Variants in CACNB4 observed in about 807,000 individuals in gnomAD.
CACNB4 encodes the protein voltage-dependent L-type calcium channel subunit beta-4.
CACNB4 carries 32 observed loss-of-function variants against 71.2 expected under a neutral mutation model. The observed-to-expected ratio is 0.45, with a 90% confidence interval of 0.34 to 0.60. The LOEUF is 0.60. CACNB4 is among the 20% of genes least tolerant of loss of function. The pLI is 0.01. For synonymous variants in CACNB4, 231 were observed against 236.9 expected (o/e 0.97, Z 0.23); for missense variants, 464 against 647.9 (o/e 0.72, Z 3.08).
intron 2 of CACNB4, among the ~76,000 whole-genome samples, chr2:151,979,903 G>A (rs558158541): frequency 2.6e-5 from 4 of 152,244 alleles, no homozygotes; most frequent in African/African-American, 9.6e-5. Flanking sequence ...AAAGGGGGAA[G>A]GAAAGGAACA....
chr2:151,885,808 G>A (rs1559934143), intron 2 of CACNB4, among the ~76,000 whole-genome samples: 2 of 152,140 alleles, frequency 1.3e-5, no homozygotes, highest in East Asian at 1.9e-4. Flanking sequence ...CCTACAAAAC[G>A]AGTAAGTGCA....
intron 4 of CACNB4, chr2:151,880,520 G>T: frequency 7.1e-6 from 3 of 421,874 alleles, no homozygotes; most frequent in East Asian, 5.3e-5. Context: ...TCACAGAAGG[G>T]GATTTAAAGG....
intron 2 of CACNB4, among the ~76,000 whole-genome samples, chr2:151,885,956 C>A (rs763898332): frequency 1.8e-4 from 28 of 151,948 alleles, no homozygotes; most frequent in Non-Finnish European, 3.5e-4. Flanking sequence ...GAAAAAAAAA[C>A]ACAATGTTTC....
chr2:152,021,930 T>C (rs977498112), intron 2 of CACNB4, among the ~76,000 whole-genome samples: 1 of 152,240 alleles, frequency 6.6e-6, no homozygotes, highest in African/African-American at 2.4e-5. Flanking sequence ...TCTACTAGAA[T>C]AGGTATTTAA....
intron 2 of CACNB4, among the ~76,000 whole-genome samples, chr2:151,927,860 C>A (rs929938535): frequency 6.6e-6 from 1 of 152,228 alleles, no homozygotes; most frequent in Admixed American, 6.5e-5. Flanking sequence ...GTGAGCTTGA[C>A]CAGACAGATT....
At chr2:151,998,077 C>G (rs1682166247) in intron 2 of CACNB4, among the ~76,000 whole-genome samples, 1 of 152,074 alleles carries the variant, frequency 6.6e-6, no homozygotes, top group Non-Finnish European at 1.5e-5. Flanking sequence ...AATCCCAGCA[C>G]TTTGGGAGGC....
intron 2 of CACNB4, among the ~76,000 whole-genome samples, chr2:152,080,476 T>G (rs921200532): frequency 6.6e-6 from 1 of 152,300 alleles, no homozygotes; most frequent in East Asian, 1.9e-4. Flanking sequence ...AGTTTCTCTC[T>G]AGTTTCAGGG....
intron 2 of CACNB4, among the ~76,000 whole-genome samples, chr2:152,055,896 G>A (rs1206933489): frequency 6.6e-6 from 1 of 152,064 alleles, no homozygotes; most frequent in African/African-American, 2.4e-5. Flanking sequence ...AGTGGCGACC[G>A]AAGCTCAGTA....
chr2:151,845,017 C>G (rs1439985585), intron 12 of CACNB4, among the ~76,000 whole-genome samples: 1 of 152,166 alleles, frequency 6.6e-6, no homozygotes, highest in Non-Finnish European at 1.5e-5. Flanking sequence ...ACATTCACAG[C>G]CAGGATTGCA....
chr2:151,842,127 G>T, intron 12 of CACNB4, 39 bp from the exon 13 acceptor site: 1 of 1,571,900 alleles, frequency 6.4e-7, no homozygotes, highest in Non-Finnish European at 8.7e-7. Flanking sequence ...TTCCATTTTA[G>T]GTTTTAGGCA....
intron 2 of CACNB4, among the ~76,000 whole-genome samples, chr2:151,993,541 C>T (rs1466874169): frequency 2.0e-5 from 3 of 148,946 alleles, no homozygotes; most frequent in Admixed American, 6.8e-5. Context: ...TCTCTGAACA[C>T]GGAGGCATAG....
At chr2:152,096,461 G>A (rs1485402658) in intron 2 of CACNB4, among the ~76,000 whole-genome samples, 1 of 152,132 alleles carries the variant, frequency 6.6e-6, no homozygotes, top group African/African-American at 2.4e-5. Context: ...CCCAGCCTGG[G>A]CGACAGAGCA....
intron 2 of CACNB4, chr2:151,973,753 A>C: frequency 6.2e-7 from 1 of 1,606,140 alleles, no homozygotes; most frequent in South Asian, 1.1e-5. Flanking sequence ...CAAGGCAAAA[A>C]CAAAATTGCT....
chr2:151,840,528 A>G, intron 13 of CACNB4, among the ~76,000 whole-genome samples: 1 of 152,234 alleles, frequency 6.6e-6, no homozygotes, highest in East Asian at 1.9e-4. Context: ...GCCAATCCAC[A>G]CTAGTCAATA....
In CACNB4 at chr2:151,971,362, A is replaced by G. The variant is rs2099872498; in HGVS notation, c.148-87992T>C. 8.2e-6 allele frequency: 5 copies of G among 609,694 alleles called. No homozygotes were observed. In the African/African-American group the frequency reaches 9.2e-5, roughly 11 times the overall value. The allele number at this position is 609,694 out of a possible 1,614,324, so 37.8% of individuals were successfully genotyped here. On this transcript the variant is annotated intron_variant, in intron 2 of 13. Coordinates refer to ENST00000539935, the MANE Select transcript of CACNB4 (RefSeq NM_000726.5). ...CCCACAAAGACATTTTCAACAGCAC[A>G]GAACGGTAGGACATATGCGGATGGT...
intron 5 of CACNB4, chr2:151,875,016 T>A: frequency 2.5e-6 from 1 of 404,416 alleles, no homozygotes; most frequent in Non-Finnish European, 4.3e-6. Flanking sequence ...GCACATACCA[T>A]CACATTTTTT....
chr2:151,929,759 G>A (rs1342655174), intron 2 of CACNB4, among the ~76,000 whole-genome samples: 3 of 151,932 alleles, frequency 2.0e-5, no homozygotes, highest in Admixed American at 2.0e-4. Context: ...AGGACAAAGA[G>A]AAAAAAACAG....
At chr2:152,035,651 C>CTCTCTCTCTCTCTCTCTCTCTATA (rs796161186) in intron 2 of CACNB4, among the ~76,000 whole-genome samples, 27 of 118,060 alleles carry the variant, frequency 2.3e-4, no homozygotes, top group African/African-American at 8.3e-4. Flanking sequence ...CTCTCTCTCT[C>CTCTCTCTCTCTCTCTCTCTCTATA]TATATATATA....
Position 151,835,127 on chromosome 2 carries a change from T to C in CACNB4, c.*3992A>G, listed in dbSNP as rs2099834633. 2.6e-5 allele frequency: 4 copies of C among 151,874 alleles called. No homozygotes were observed. Among genetic ancestry groups the C allele is most frequent in the Admixed American group, 6.6e-5 (1 of 15,240 alleles). The allele number at this position is 151,874 out of a possible 1,614,324, so 9.4% of individuals were successfully genotyped here. On this transcript the variant is annotated 3_prime_UTR_variant, in exon 14 of 14. Coordinates refer to ENST00000539935, the MANE Select transcript of CACNB4 (RefSeq NM_000726.5). ...AAACCAGCTGCTCTTAAACATAAAG[T>C]CTTTGGACTTTTACTCCTTTAGACT...
Sources: allele counts gnomAD v4.1 joint callset (sites outside exome capture counted in the v4.1 genomes callset), GRCh38; gene constraint gnomAD v4.1.1; transcripts MANE v1.5; gene names NCBI Gene and HGNC (gene_info 2026-07-23, HGNC 2026-07-21).